The following ADAMTS15 variants were observed in gnomAD, a reference collection of about 807,000 sequenced individuals.
ADAMTS15 encodes the protein A disintegrin and metalloproteinase with thrombospondin motifs 15.
Under a neutral mutation model 79.1 loss-of-function variants are expected in ADAMTS15, and 35 were observed. That is an observed-to-expected ratio of 0.44 (90% CI 0.34 to 0.59). The LOEUF (loss-of-function observed/expected upper bound fraction) is 0.59, where lower values mean the gene tolerates loss of function less well. ADAMTS15 is among the 20% of genes least tolerant of loss of function. The pLI is 0.02. For synonymous variants in ADAMTS15, 616 were observed against 567.3 expected (o/e 1.09, Z -1.22); for missense variants, 1,324 against 1,318.7 (o/e 1.00, Z -0.06).
rs1041453405 is a variant in ADAMTS15 at position 130,472,292 on chromosome 11, G to A, written c.2079-755G>A. ...CTCCTGAGCCCCTGGGTGGTGATGC[G>A]AAGGGAGGATGCCCAGCCCTGTCTC... is the stretch of plus-strand genomic sequence containing the variant. On this transcript the variant is annotated intron_variant, in intron 7 of 7. Transcript: ENST00000299164. This position sits in a 1 kb window ranked among gnomAD's most constrained non-coding sequence, Gnocchi z 4.7. Among the ~76,000 whole-genome samples the A allele has an allele frequency of 7.2e-5, 11 of 152,310 alleles. No individual in the cohort carries two copies. The East Asian group carries it at 9.7e-4, about 13-fold the overall frequency.
In ADAMTS15 at chr11:130,472,926, G is replaced by T. The variant is rs1421795233; in HGVS notation, c.2079-121G>T. On this transcript the variant is annotated intron_variant, in intron 7 of 7. Transcript: ENST00000299164. The surrounding 1 kb of genome is among the most constrained non-coding windows in gnomAD (Gnocchi z 4.7). The stretch of plus-strand genomic sequence containing the variant: ...GGACCTCTCTGACTCCAAAACCTGT[G>T]CTTTTACTCCCATGCCAGAATTCAC... The T allele has an allele frequency of 1.4e-6, 2 of 1,421,818 alleles. No individual in the cohort carries two copies. The highest frequency in any genetic ancestry group is 4.6e-5 in the East Asian group (2 of 43,724). 88.1% of individuals were successfully genotyped at this position (1,421,818 alleles called of 1,614,324 possible).
In ADAMTS15 at chr11:130,449,735, C is replaced by T. The variant is rs1392620992; in HGVS notation, c.762C>T (p.Arg254=). The part of the protein sequence containing the change: ...TLLATAARLY[R]HPSILNPINI... The stretch of plus-strand genomic sequence containing the variant: ...TGGCAACGGCGGCGCGACTCTACCG[C>T]CATCCCAGCATCCTCAACCCCATCA... The change falls in exon 1 of 8, where the codon CGC becomes CGT. Residue 254 remains arginine (R), a synonymous_variant. Transcript: ENST00000299164. This position sits in a 1 kb window ranked among gnomAD's most constrained non-coding sequence, Gnocchi z 7.8. The T allele has an allele frequency of 6.2e-7, 1 of 1,612,528 alleles. No individual in the cohort carries two copies. Among genetic ancestry groups the T allele is most frequent in the African/African-American group, 1.3e-5 (1 of 74,920 alleles).
In ADAMTS15 at chr11:130,473,743, C is replaced by A. The variant is rs1023740391; in HGVS notation, c.2775C>A (p.Gly925=). The part of the protein sequence containing the change: ...RRSLKCVGHG[G]RLLARDQCNL... ...CACTCAAGTGTGTGGGCCACGGAGG[C>A]CGGCTGCTGGCCCGGGACCAGTGCA... The change falls in exon 8 of 8, where the codon GGC becomes GGA. Residue 925 remains glycine, a synonymous_variant. Coordinates refer to ENST00000299164, the MANE Select transcript of ADAMTS15 (RefSeq NM_139055.4). The A allele has an allele frequency of 2.5e-6, 4 of 1,599,540 alleles. No individual in the cohort carries two copies. The Admixed American group carries it at 5.0e-5, about 20-fold the overall frequency.
intron 1 of ADAMTS15, among the ~76,000 whole-genome samples, chr11:130,453,435 C>A (rs947063016): frequency 4.0e-5 from 6 of 150,886 alleles, no homozygotes; most frequent in African/African-American, 1.5e-4. Flanking sequence ...TATGATTATT[C>A]TGTCTGCTTC....
chr11:130,465,873 CTT>C (rs71061391), intron 4 of ADAMTS15, among the ~76,000 whole-genome samples: 20 of 144,148 alleles, frequency 1.4e-4, no homozygotes, highest in Admixed American at 1.4e-4. Flanking sequence ...TCTTTTCTTT[CTT>C]TTTTTTTTTT....
Position 130,470,174 on chromosome 11 carries a change from A to ATATATG in ADAMTS15, c.1720+740_1721-740insGTATAT, listed in dbSNP as rs1938412108. Among the ~76,000 whole-genome samples the ATATATG allele has an allele frequency of 3.1e-5, 2 of 63,598 alleles. 1 individual carries two copies. Among genetic ancestry groups the ATATATG allele is most frequent in the Non-Finnish European group, 5.7e-5 (2 of 34,822 alleles). The allele number at this position is 63,598 out of a possible 152,430, so 41.7% of individuals were successfully genotyped here. On this transcript the variant is annotated intron_variant, in intron 5 of 7. Transcript: ENST00000299164. ...TATGTGTATATATATATATATATAT[A>ATATATG]TATATATGTGTGTATATATATATAT...
At chr11:130,461,160 A>AGG (rs1938190919) in intron 1 of ADAMTS15, among the ~76,000 whole-genome samples, 1 of 152,074 alleles carries the variant, frequency 6.6e-6, no homozygotes, top group South Asian at 2.1e-4. Flanking sequence ...TCTGGTCTGG[A>AGG]GGGCCGTCTC....
intron 1 of ADAMTS15, among the ~76,000 whole-genome samples, chr11:130,457,520 G>A (rs1054114580): frequency 6.6e-6 from 1 of 152,176 alleles, no homozygotes; most frequent in African/African-American, 2.4e-5. Flanking sequence ...GAGGATTAAG[G>A]TTCCTGGCCA....
intron 4 of ADAMTS15, among the ~76,000 whole-genome samples, chr11:130,468,867 G>A (rs1168501538): frequency 2.7e-5 from 4 of 149,950 alleles, no homozygotes; most frequent in African/African-American, 9.9e-5. Flanking sequence ...AACCTGGGAG[G>A]TGGAGGTTGC....
Position 130,449,277 on chromosome 11 carries a change from T to G in ADAMTS15, c.304T>G (p.Phe102Val), listed in dbSNP as rs749556751. ...GGGCTCTTCAGACCTGCGACGCTGC[T>G]TCTATTCTGGGGACGTGAACGCCGA... ...TGGSSDLRRC[F>V]YSGDVNAEPD... Residue 102 changes from phenylalanine to valine, a missense_variant, in exon 1 of 8, where the codon TTC becomes GTC. Transcript: ENST00000299164. The surrounding 1 kb of genome is among the most constrained non-coding windows in gnomAD (Gnocchi z 7.8). 6.2e-7 allele frequency: 1 copy of G among 1,612,548 alleles called. No individual in the cohort carries two copies. Among genetic ancestry groups the G allele is most frequent in the South Asian group, 1.1e-5 (1 of 91,086 alleles).
chr11:130,449,562 G>T lies in ADAMTS15; in HGVS notation c.589G>T (p.Gly197Cys). ...ALDPYKPRRA[G>C]FGESRSRRRS... is the part of the protein sequence containing the mutation. ...GGACCCTTACAAGCCGCGGCGGGCG[G>T]GCTTCGGGGAGAGTCGTAGCCGGCG... The change falls in exon 1 of 8, where the codon GGC (glycine) becomes TGC (cysteine). Residue 197 changes from glycine (G) to cysteine (C), a missense_variant. By Grantham distance (159) the Gly-to-Cys change is radical. Transcript: ENST00000299164. The surrounding 1 kb of genome is among the most constrained non-coding windows in gnomAD (Gnocchi z 7.8). 1 of 1,585,676 alleles carries T rather than the reference G, an allele frequency of 6.3e-7. No homozygotes were observed. The highest frequency in any genetic ancestry group is 1.7e-5 in the Admixed American group (1 of 58,376).
chr11:130,454,506 G>A (rs964985998), intron 1 of ADAMTS15, among the ~76,000 whole-genome samples: 5 of 152,296 alleles, frequency 3.3e-5, no homozygotes, highest in East Asian at 3.9e-4. Flanking sequence ...GTGATAATAC[G>A]TATGTTACAC....
At position 130,473,120 on chromosome 11, in the gene ADAMTS15, G is replaced by C. The variant is rs775282729; in HGVS notation, c.2152G>C (p.Gly718Arg). 1 of 1,614,130 alleles carries C rather than the reference G, an allele frequency of 6.2e-7. No homozygotes were observed. Among genetic ancestry groups the C allele is most frequent in the Non-Finnish European group, 8.5e-7 (1 of 1,180,050 alleles). Reference protein sequence around the residue: ...SIDIRQRGYKGLIGDDNYLAL... With the variant: ...SIDIRQRGYKRLIGDDNYLAL... Reference sequence around the variant, plus strand: ...CGACATCCGCCAGCGCGGTTACAAAGGGCTGATCGGGGATGACAACTACCT... The same window carrying C: ...CGACATCCGCCAGCGCGGTTACAAACGGCTGATCGGGGATGACAACTACCT... Residue 718 changes from glycine (G) to arginine (R), a missense_variant, in exon 8 of 8, where the codon GGG (glycine) becomes CGG (arginine). Gly to Arg is a moderately radical substitution (Grantham distance 125). Coordinates refer to ENST00000299164, the MANE Select transcript of ADAMTS15 (RefSeq NM_139055.4).
rs1436439822 is a variant in ADAMTS15, at chr11:130,449,391, C to T, written c.418C>T (p.Pro140Ser). Reference sequence around the variant, plus strand: ...CGCCGAGTATGTCATTAGCCCGCTGCCCAATGCTAGCGCGCCGGCGGCGCA... The same window carrying T: ...CGCCGAGTATGTCATTAGCCCGCTGTCCAATGCTAGCGCGCCGGCGGCGCA... ...RGAEYVISPL[P>S]NASAPAAQRN... Residue 140 changes from proline to serine, a missense_variant, in exon 1 of 8, where the codon CCC (proline) becomes TCC (serine). Coordinates refer to ENST00000299164, the MANE Select transcript of ADAMTS15 (RefSeq NM_139055.4). This position sits in a 1 kb window ranked among gnomAD's most constrained non-coding sequence, Gnocchi z 7.8. The T allele has an allele frequency of 1.9e-6, 3 of 1,601,712 alleles. No individual in the cohort carries two copies. Among genetic ancestry groups the T allele is most frequent in the Non-Finnish European group, 2.5e-6 (3 of 1,178,852 alleles).
chr11:130,471,342 T>G lies in ADAMTS15; in HGVS notation c.2037T>G (p.Asn679Lys). 1 of 1,611,386 alleles carries G rather than the reference T, an allele frequency of 6.2e-7. No individual in the cohort carries two copies. Among genetic ancestry groups the G allele is most frequent in the Non-Finnish European group, 8.5e-7 (1 of 1,179,448 alleles). Residue 679 changes from asparagine to lysine, a missense_variant, in exon 7 of 8, where the codon AAT becomes AAG. Transcript: ENST00000299164. ...AGTGTGGGGTGTGTGGGGGAGACAA[T>G]AAGAGCTGCAAGAAGGTGACTGGAC... Reference protein sequence around the residue: ...FDKCGVCGGDNKSCKKVTGLF... With the variant: ...FDKCGVCGGDKKSCKKVTGLF...
In ADAMTS15 at chr11:130,472,965, TAC is replaced by T; in HGVS notation, c.2079-81_2079-80del. ...GCCAGAATTCACCGAAAGCTAGGTT[TAC>T]TGAGGAAAACAGATCCTGGAGCATA... On this transcript the variant is annotated intron_variant, in intron 7 of 7. Transcript: ENST00000299164. This position sits in a 1 kb window ranked among gnomAD's most constrained non-coding sequence, Gnocchi z 4.7. The T allele has an allele frequency of 6.5e-7, 1 of 1,543,610 alleles. No homozygotes were observed. Among genetic ancestry groups the T allele is most frequent in the Non-Finnish European group, 8.8e-7 (1 of 1,142,794 alleles).
In ADAMTS15 at chr11:130,462,387, G is replaced by A; in HGVS notation, c.1259-110G>A. 6.7e-7 allele frequency: 1 copy of A among 1,494,726 alleles called. No individual in the cohort carries two copies. Among genetic ancestry groups the A allele is most frequent in the Admixed American group, 2.1e-5 (1 of 46,842 alleles). 92.6% of individuals were successfully genotyped at this position (1,494,726 alleles called of 1,614,324 possible). ...CCCCCTCGGAGCCGGGCTCTGACAT[G>A]AGTGCATTCCTGTTGCCCTTGGTTC... is the stretch of plus-strand genomic sequence containing the variant. On this transcript the variant is annotated intron_variant, in intron 3 of 7. Coordinates refer to ENST00000299164, the MANE Select transcript of ADAMTS15 (RefSeq NM_139055.4). This position sits in a 1 kb window ranked among gnomAD's most constrained non-coding sequence, Gnocchi z 4.3.
At chr11:130,456,523 T>C (rs969146813) in intron 1 of ADAMTS15, among the ~76,000 whole-genome samples, 1 of 152,222 alleles carries the variant, frequency 6.6e-6, no homozygotes, top group African/African-American at 2.4e-5. Flanking sequence ...CCTCCCATCC[T>C]TGGGGATTAC....
At chr11:130,461,340 A>G in intron 1 of ADAMTS15, 149 bp from the exon 2 acceptor site, 1 of 1,147,060 alleles carries the variant, frequency 8.7e-7, no homozygotes, top group Non-Finnish European at 1.2e-6. Context: ...ACCTCCTAGG[A>G]AGAAGAGCCC....
Sources: gnomAD v4.1 joint callset for allele counts (sites outside exome capture counted in the v4.1 genomes callset) on GRCh38, gnomAD v4.1.1 for gene constraint, Gnocchi (gnomAD v3.1) non-coding constraint, MANE v1.5 for transcripts, NCBI Gene and HGNC (gene_info 2026-07-23, HGNC 2026-07-21) for gene names.